GPC5: variants seen among roughly 807,000 people sequenced by gnomAD.
GPC5 encodes glypican-5.
A neutral mutation model predicts 53.9 loss-of-function variants in GPC5; 47 were observed. That is an observed-to-expected ratio of 0.87 (90% confidence interval 0.69 to 1.11). The LOEUF is 1.11. Among genes scored for constraint, GPC5 ranks in the 50% most tolerant of loss-of-function variants. The pLI is 0.00. For missense variants in GPC5, 748 were observed against 713.1 expected, an observed-to-expected ratio of 1.05 and a Z score of -0.56; for synonymous variants, 286 against 263.3, an observed-to-expected ratio of 1.09 and a Z score of -0.84.
intron 6 of GPC5, among the ~76,000 whole-genome samples, chr13:92,008,480 T>G (rs1224470278): frequency 1.6e-5 from 2 of 127,882 alleles, no homozygotes; most frequent in East Asian, 2.0e-4. Context: ...TCTTTATGGG[T>G]TTTTTTTTTA....
At chr13:92,581,457 A>G (rs1883365029) in intron 7 of GPC5, among the ~76,000 whole-genome samples, 2 of 152,154 alleles carry the variant, frequency 1.3e-5, no homozygotes, top group South Asian at 2.1e-4. Context: ...CATTTTCTTT[A>G]TCCATTCATC....
chr13:92,402,757 C>G (rs1210185580), intron 7 of GPC5, among the ~76,000 whole-genome samples: 2 of 152,174 alleles, frequency 1.3e-5, no homozygotes, highest in Non-Finnish European at 2.9e-5. Context: ...GTTAGAAGCT[C>G]TTGACAAATC....
chr13:92,621,478 T>G (rs1006369848), intron 7 of GPC5, among the ~76,000 whole-genome samples: 4 of 152,200 alleles, frequency 2.6e-5, no homozygotes, highest in African/African-American at 9.6e-5. Context: ...AAAACGTGAC[T>G]GAACTTTTGC....
chr13:91,404,323 C>A (rs1209130123), intron 1 of GPC5, among the ~76,000 whole-genome samples: 1 of 152,204 alleles, frequency 6.6e-6, no homozygotes, highest in Non-Finnish European at 1.5e-5. Flanking sequence ...GTTCAACCGA[C>A]AAACAACAGA....
intron 6 of GPC5, among the ~76,000 whole-genome samples, chr13:92,098,606 T>C (rs999691474): frequency 2.0e-5 from 3 of 152,216 alleles, no homozygotes; most frequent in Non-Finnish European, 2.9e-5. Context: ...AAGATATTCA[T>C]GTTTGAATCT....
chr13:92,034,446 C>T (rs36025831), intron 6 of GPC5, among the ~76,000 whole-genome samples: 8,107 of 151,862 alleles, frequency 0.053, 303 homozygotes, highest in Non-Finnish European at 0.082. Context: ...TGCAGTGAGC[C>T]GAGATAGTGC....
chr13:91,910,013 G>C (rs1296810121), intron 6 of GPC5, among the ~76,000 whole-genome samples: 2 of 152,168 alleles, frequency 1.3e-5, no homozygotes, highest in African/African-American at 4.8e-5. Context: ...GGGGTTGCAA[G>C]AGAATATCAA....
intron 7 of GPC5, among the ~76,000 whole-genome samples, chr13:92,637,753 A>G (rs1425602706): frequency 6.6e-6 from 1 of 152,204 alleles, no homozygotes; most frequent in Non-Finnish European, 1.5e-5. Context: ...AAACAAGCAG[A>G]AAAATATGAT....
At chr13:92,235,863 A>G (rs954016450) in intron 7 of GPC5, among the ~76,000 whole-genome samples, 7 of 152,096 alleles carry the variant, frequency 4.6e-5, no homozygotes, top group Non-Finnish European at 7.4e-5. Context: ...TTATTGACAT[A>G]AGAGTAATAG....
intron 2 of GPC5, among the ~76,000 whole-genome samples, chr13:91,490,721 C>A (rs1169737899): frequency 6.6e-6 from 1 of 152,132 alleles, no homozygotes; most frequent in Non-Finnish European, 1.5e-5. Context: ...CTGTCTAGGT[C>A]CAGCCCAGAG....
At chr13:92,575,627 C>T (rs1041108452) in intron 7 of GPC5, among the ~76,000 whole-genome samples, 2 of 152,148 alleles carry the variant, frequency 1.3e-5, no homozygotes, top group Non-Finnish European at 2.9e-5. Flanking sequence ...ATCCCATTAA[C>T]TTCCTGTCTT....
At chr13:92,067,089 C>T (rs1371252946) in intron 6 of GPC5, among the ~76,000 whole-genome samples, 1 of 152,042 alleles carries the variant, frequency 6.6e-6, no homozygotes. Context: ...TGCTGAAAAT[C>T]ATGAGAACAA....
At chr13:92,573,512 C>T (rs1012924344) in intron 7 of GPC5, among the ~76,000 whole-genome samples, 3 of 152,070 alleles carry the variant, frequency 2.0e-5, no homozygotes, top group African/African-American at 7.2e-5. Flanking sequence ...TTTCTTGCCT[C>T]TCAGCTTTTA....
intron 2 of GPC5, among the ~76,000 whole-genome samples, chr13:91,565,019 T>G (rs2031466626): frequency 6.6e-6 from 1 of 151,160 alleles, no homozygotes; most frequent in South Asian, 2.1e-4. Context: ...GGACAGAGTC[T>G]CGCTCTGTCA....
chr13:91,505,244 A>G (rs1884879403), intron 2 of GPC5, among the ~76,000 whole-genome samples: 1 of 152,224 alleles, frequency 6.6e-6, no homozygotes, highest in Non-Finnish European at 1.5e-5. Flanking sequence ...ACATTCTTAC[A>G]CATAGTTAAA....
chr13:92,257,215 A>T (rs1463770943), intron 7 of GPC5, among the ~76,000 whole-genome samples: 1 of 152,114 alleles, frequency 6.6e-6, no homozygotes, highest in Non-Finnish European at 1.5e-5. Context: ...ATGATAGGCA[A>T]TATCTGTTCA....
At chr13:92,841,810 G>A (rs2138834212) in intron 7 of GPC5, among the ~76,000 whole-genome samples, 1 of 151,938 alleles carries the variant, frequency 6.6e-6, no homozygotes, top group African/African-American at 2.4e-5. Context: ...TGATTTATTT[G>A]TGTAAAACGT....
At chr13:92,049,496 T>G (rs2041010009) in intron 6 of GPC5, among the ~76,000 whole-genome samples, 1 of 152,012 alleles carries the variant, frequency 6.6e-6, no homozygotes, top group African/African-American at 2.4e-5. Context: ...AAAGCAGAAA[T>G]TATAGATGTT....
At chr13:91,399,276 C>T in intron 1 of GPC5, 67 bp downstream of exon 1, 6 of 1,539,010 alleles carry the variant, frequency 3.9e-6, no homozygotes, top group Non-Finnish European at 5.3e-6. Context: ...CCCCAGGCTC[C>T]CTTGGTGGCA....
Sources: gnomAD v4.1 joint callset for allele counts (sites outside exome capture counted in the v4.1 genomes callset) on GRCh38, gnomAD v4.1.1 for gene constraint, MANE v1.5 for transcripts, NCBI Gene and HGNC (gene_info 2026-07-23, HGNC 2026-07-21) for gene names.